Variants in GRID2 observed in about 807,000 individuals in gnomAD.
GRID2 encodes the protein glutamate receptor ionotropic, delta-2.
In GRID2, 33 loss-of-function variants were observed where a neutral mutation model predicts 114.8. The ratio of observed to expected loss-of-function variants is 0.29; its 90% CI spans 0.22 to 0.38. The LOEUF (loss-of-function observed/expected upper bound fraction) is 0.38, where lower values mean the gene tolerates loss of function less well. Among genes scored for constraint, GRID2 ranks in the 10% least tolerant of loss-of-function variants. GRID2 has a pLI of 1.00. For missense variants in GRID2, 1,184 were observed against 1,257.7 expected (o/e 0.94, Z 0.89); for synonymous variants, 505 against 449.9 (o/e 1.12, Z -1.55).
chr4:92,324,868 A>G (rs917508251), intron 1 of GRID2, among the ~76,000 whole-genome samples: 3 of 151,970 alleles, frequency 2.0e-5, no homozygotes, highest in African/African-American at 7.2e-5. Flanking sequence ...TAGTTTTCAC[A>G]TATCATTTAT....
chr4:93,634,004 G>A (rs1180124775), intron 14 of GRID2, among the ~76,000 whole-genome samples: 3 of 152,084 alleles, frequency 2.0e-5, no homozygotes, highest in South Asian at 2.1e-4. Flanking sequence ...TCTCAGAAAG[G>A]TACATAAAAC....
At chr4:92,458,297 T>TCAGC (rs1297887265) in intron 1 of GRID2, among the ~76,000 whole-genome samples, 1 of 152,222 alleles carries the variant, frequency 6.6e-6, no homozygotes, top group African/African-American at 2.4e-5. Context: ...AGGCCTGGGT[T>TCAGC]CAGCCACTTA....
At chr4:92,555,332 A>G (rs1302097121) in intron 1 of GRID2, among the ~76,000 whole-genome samples, 1 of 152,184 alleles carries the variant, frequency 6.6e-6, no homozygotes, top group Non-Finnish European at 1.5e-5. Flanking sequence ...GAAACTGTGA[A>G]GGGAGAAGAA....
intron 14 of GRID2, among the ~76,000 whole-genome samples, chr4:93,750,076 A>G (rs531643012): frequency 9.3e-4 from 141 of 152,346 alleles, no homozygotes; most frequent in African/African-American, 3.2e-3. Context: ...CTTTTTATTC[A>G]GCAAATTGAT....
chr4:93,383,085 T>TC (rs1764013050), intron 8 of GRID2, among the ~76,000 whole-genome samples: 1 of 152,072 alleles, frequency 6.6e-6, no homozygotes, highest in African/African-American at 2.4e-5. Context: ...TGTCTTAGTA[T>TC]TTAATGTCTA....
intron 2 of GRID2, among the ~76,000 whole-genome samples, chr4:93,035,208 T>G (rs1724823387): frequency 6.6e-6 from 1 of 151,654 alleles, no homozygotes; most frequent in Non-Finnish European, 1.5e-5. Context: ...TGGGTTCAAG[T>G]GATCCTCCTA....
chr4:92,462,834 A>G (rs532542362), intron 1 of GRID2, among the ~76,000 whole-genome samples: 1 of 152,116 alleles, frequency 6.6e-6, no homozygotes, highest in Admixed American at 6.6e-5. Context: ...CTACTCAACT[A>G]TATTGTGATG....
chr4:92,454,560 T>A (rs1721108057), intron 1 of GRID2, among the ~76,000 whole-genome samples: 1 of 152,100 alleles, frequency 6.6e-6, no homozygotes, highest in South Asian at 2.1e-4. Context: ...CAAATCTGCA[T>A]CCCTGGTGGC....
chr4:92,804,827 G>C (rs1443957166), intron 2 of GRID2, among the ~76,000 whole-genome samples: 1 of 151,976 alleles, frequency 6.6e-6, no homozygotes, highest in Admixed American at 6.6e-5. Flanking sequence ...AAATAGGCTG[G>C]AGCCTAAATT....
chr4:93,644,413 G>A (rs150337205), intron 14 of GRID2, among the ~76,000 whole-genome samples: 359 of 152,110 alleles, frequency 2.4e-3, no homozygotes, highest in African/African-American at 6.8e-3. Flanking sequence ...AAAGGAACTG[G>A]CACGCTAAAA....
chr4:92,747,231 A>G (rs11725769), intron 2 of GRID2, among the ~76,000 whole-genome samples: 16 of 151,994 alleles, frequency 1.1e-4, no homozygotes, highest in Admixed American at 3.3e-4. Context: ...TTATAAAAAA[A>G]GATATATAAA....
At chr4:93,272,140 T>G (rs1751530058) in intron 8 of GRID2, among the ~76,000 whole-genome samples, 1 of 152,156 alleles carries the variant, frequency 6.6e-6, no homozygotes, top group Non-Finnish European at 1.5e-5. Context: ...TTTCATTAAT[T>G]CATTCAGTAA....
intron 3 of GRID2, among the ~76,000 whole-genome samples, chr4:93,090,992 G>A (rs934239105): frequency 6.6e-6 from 1 of 152,042 alleles, no homozygotes; most frequent in Non-Finnish European, 1.5e-5. Context: ...TCTACTCCAG[G>A]GGTCAGCAAA....
chr4:92,322,470 C>G (rs1391990839), intron 1 of GRID2, among the ~76,000 whole-genome samples: 2 of 151,858 alleles, frequency 1.3e-5, no homozygotes, highest in Non-Finnish European at 2.9e-5. Flanking sequence ...TGATAGATAT[C>G]CCATTTACCC....
At chr4:92,960,262 G>A (rs556515490) in intron 2 of GRID2, among the ~76,000 whole-genome samples, 2 of 152,042 alleles carry the variant, frequency 1.3e-5, no homozygotes, top group South Asian at 2.1e-4. Flanking sequence ...ACCCAATAGA[G>A]GTCAATTATA....
rs189483538 is a variant in GRID2 at position 93,257,496 on chromosome 4, G to A, written c.1245+19006G>A. 3.6e-3 allele frequency among the ~76,000 whole-genome samples: 545 copies of A among 151,652 alleles called. 4 individuals carry two copies. The highest frequency in any genetic ancestry group is 0.013 in the African/African-American group (525 of 41,484). On this transcript the variant is annotated intron_variant, in intron 8 of 15. Coordinates refer to ENST00000282020, the MANE Select transcript of GRID2 (RefSeq NM_001510.4). ...ACATTTTAATCATTTTCCTTATACAGACTATTAACTTTACAAATATTGAGA... is the reference window on the plus strand; with the variant it reads ...ACATTTTAATCATTTTCCTTATACAAACTATTAACTTTACAAATATTGAGA...
At chr4:93,511,276 T>TATTATTCTC (rs569234137) in intron 12 of GRID2, among the ~76,000 whole-genome samples, 204 of 152,306 alleles carry the variant, frequency 1.3e-3, no homozygotes, top group African/African-American at 4.8e-3. Flanking sequence ...TTTCAGTGTT[T>TATTATTCTC]ATTGAAAGAA....
intron 4 of GRID2, among the ~76,000 whole-genome samples, chr4:93,157,849 C>CATACATATT (rs1737322489): frequency 6.6e-6 from 1 of 151,716 alleles, no homozygotes; most frequent in Admixed American, 6.6e-5. Context: ...GACTGATAGG[C>CATACATATT]ATACATATTA....
intron 2 of GRID2, among the ~76,000 whole-genome samples, chr4:92,986,353 G>T (rs953804652): frequency 2.6e-5 from 4 of 152,066 alleles, no homozygotes; most frequent in African/African-American, 9.7e-5. Flanking sequence ...GATTAAATCA[G>T]CCAATAAGTC....
Sources: gnomAD v4.1 joint callset for allele counts (sites outside exome capture counted in the v4.1 genomes callset) on GRCh38, gnomAD v4.1.1 for gene constraint, MANE v1.5 for transcripts, NCBI Gene and HGNC (gene_info 2026-07-23, HGNC 2026-07-21) for gene names.